Variants in SLC39A11 observed in about 807,000 individuals in gnomAD.
The protein encoded by SLC39A11 is solute carrier family 39 member 11.
In SLC39A11, 33 loss-of-function variants were observed where a neutral mutation model predicts 36.1. That is an observed-to-expected ratio of 0.91 (90% confidence interval 0.69 to 1.22). SLC39A11 has a LOEUF of 1.22. SLC39A11 is among the 50% of genes most tolerant of loss of function. The pLI is 0.00. For missense variants in SLC39A11, 432 were observed against 430.3 expected (o/e 1.00, Z -0.03); for synonymous variants, 166 against 170.3 (o/e 0.97, Z 0.20).
chr17:72,761,318 T>C (rs569500011), intron 6 of SLC39A11, among the ~76,000 whole-genome samples: 1 of 152,128 alleles, frequency 6.6e-6, no homozygotes, highest in African/African-American at 2.4e-5. Context: ...TTTCACCATG[T>C]TGGCAAAGCT....
intron 3 of SLC39A11, among the ~76,000 whole-genome samples, chr17:73,069,969 A>G (rs1380934705): frequency 6.6e-6 from 1 of 152,182 alleles, no homozygotes; most frequent in Non-Finnish European, 1.5e-5. Context: ...TACTCCTACC[A>G]TCTGTCTGGA....
intron 3 of SLC39A11, among the ~76,000 whole-genome samples, chr17:73,045,849 A>G (rs1329971170): frequency 2.0e-5 from 3 of 152,204 alleles, no homozygotes; most frequent in Non-Finnish European, 4.4e-5. Flanking sequence ...CCAGCTGGTC[A>G]TCAAGAGAGT....
intron 6 of SLC39A11, among the ~76,000 whole-genome samples, chr17:72,841,568 C>A (rs1375965300): frequency 6.6e-6 from 1 of 151,554 alleles, no homozygotes; most frequent in Non-Finnish European, 1.5e-5. Flanking sequence ...GTCGGGGAGT[C>A]GGGGGAAAGT....
At chr17:72,703,885 C>T (rs761491699) in intron 7 of SLC39A11, among the ~76,000 whole-genome samples, 88 of 152,244 alleles carry the variant, frequency 5.8e-4, no homozygotes, top group Non-Finnish European at 9.7e-4. Context: ...CCCAGCACTT[C>T]GGGAGGCCGA....
chr17:72,946,136 C>A (rs1330218031), intron 5 of SLC39A11, among the ~76,000 whole-genome samples: 1 of 152,172 alleles, frequency 6.6e-6, no homozygotes, highest in Non-Finnish European at 1.5e-5. Context: ...ATACAGTGCT[C>A]TACTGTGTCA....
chr17:72,887,318 G>T (rs897988473), intron 5 of SLC39A11, among the ~76,000 whole-genome samples: 1 of 152,200 alleles, frequency 6.6e-6, no homozygotes, highest in African/African-American at 2.4e-5. Flanking sequence ...TCAGAAAGGG[G>T]CTATGCAACA....
intron 5 of SLC39A11, among the ~76,000 whole-genome samples, chr17:72,917,970 C>T (rs1459225133): frequency 6.6e-6 from 1 of 152,220 alleles, no homozygotes; most frequent in Non-Finnish European, 1.5e-5. Context: ...ATCCAAAGAC[C>T]TCACCTCATC....
intron 7 of SLC39A11, among the ~76,000 whole-genome samples, chr17:72,682,845 C>T (rs2071566215): frequency 1.3e-5 from 2 of 152,204 alleles, no homozygotes; most frequent in Admixed American, 1.3e-4. Flanking sequence ...ACTTATGAGT[C>T]AATCTTTAGG....
In SLC39A11 at chr17:72,690,299, G is replaced by C. The variant is rs1265849253; in HGVS notation, c.672-41031C>G. 3.3e-5 allele frequency among the ~76,000 whole-genome samples: 5 copies of C among 152,214 alleles called. No individual in the cohort carries two copies. The East Asian group carries it at 7.7e-4, about 23-fold the overall frequency. On this transcript the variant is annotated intron_variant, in intron 7 of 9. Coordinates refer to ENST00000255559, the MANE Select transcript of SLC39A11 (RefSeq NM_139177.4). ...GATGAAACCAAACCTCCTCCCAGGG[G>C]GACGTCCTGGTGAGGTTTCCTAAAA...
At chr17:72,703,257 G>A (rs1403554506) in intron 7 of SLC39A11, among the ~76,000 whole-genome samples, 1 of 152,152 alleles carries the variant, frequency 6.6e-6, no homozygotes, top group Non-Finnish European at 1.5e-5. Flanking sequence ...CTTTAGGAGC[G>A]AGAAAGACAG....
chr17:72,991,806 C>T (rs767070348), intron 4 of SLC39A11, among the ~76,000 whole-genome samples: 3 of 152,214 alleles, frequency 2.0e-5, no homozygotes, highest in Non-Finnish European at 4.4e-5. Context: ...CATTCTCATG[C>T]AGGGTTCCCT....
At chr17:72,662,614 G>GA (rs1211920877) in intron 7 of SLC39A11, among the ~76,000 whole-genome samples, 1 of 76,070 alleles carries the variant, frequency 1.3e-5, no homozygotes, top group Non-Finnish European at 2.4e-5. Flanking sequence ...AAGGAAGGAA[G>GA]GAGAGAAGAA....
At chr17:72,790,249 CA>C (rs1449184028) in intron 6 of SLC39A11, among the ~76,000 whole-genome samples, 1 of 152,092 alleles carries the variant, frequency 6.6e-6, no homozygotes, top group Non-Finnish European at 1.5e-5. Flanking sequence ...GGGGTCATCC[CA>C]GGGGGTTTCT....
chr17:72,867,897 T>A (rs2080391337), intron 5 of SLC39A11, among the ~76,000 whole-genome samples: 1 of 152,182 alleles, frequency 6.6e-6, no homozygotes. Flanking sequence ...CTTGGGATCC[T>A]ACATAAGCAA....
At position 72,748,789 on chromosome 17, in the gene SLC39A11, G is replaced by A. The variant is rs113459584; in HGVS notation, c.602-12070C>T. Among the ~76,000 whole-genome samples the A allele has an allele frequency of 1.2e-3, 176 of 152,260 alleles. 2 individuals carry two copies. The highest frequency in any genetic ancestry group is 6.8e-3 in the Middle Eastern group (2 of 294). The stretch of plus-strand genomic sequence containing the variant: ...AAGATTCCGAGCTGTTCCAACTAAC[G>A]AGCTCCGTGTCATGCCCAGATGCAT... On this transcript the variant is annotated intron_variant, in intron 6 of 9. Transcript: ENST00000255559.
At chr17:72,713,207 C>A (rs1331787146) in intron 7 of SLC39A11, among the ~76,000 whole-genome samples, 1 of 152,118 alleles carries the variant, frequency 6.6e-6, no homozygotes, top group Non-Finnish European at 1.5e-5. Context: ...AGGTTTGTAA[C>A]AGGGTAAGAA....
chr17:72,648,785 G>A lies in SLC39A11; in HGVS notation c.929+18C>T. ...TGGGACTGGGACAGGGACAGACAGG[G>A]AGGGAAGGTTCTCCAACCTGATCTG... On this transcript the variant is annotated intron_variant, in intron 9 of 9. Coordinates refer to ENST00000255559, the MANE Select transcript of SLC39A11 (RefSeq NM_139177.4). 3 of 1,614,112 alleles carry A rather than the reference G, an allele frequency of 1.9e-6. No homozygotes were observed. The highest frequency in any genetic ancestry group is 2.5e-6 in the Non-Finnish European group (3 of 1,179,996).
intron 5 of SLC39A11, among the ~76,000 whole-genome samples, chr17:72,900,215 A>AGG (rs1215301025): frequency 7.4e-5 from 11 of 149,654 alleles, no homozygotes; most frequent in African/African-American, 2.5e-5. Context: ...GAAAGAAAGA[A>AGG]AGAAAGAAAG....
At chr17:72,916,799 T>G (rs867494630) in intron 5 of SLC39A11, among the ~76,000 whole-genome samples, 33 of 152,050 alleles carry the variant, frequency 2.2e-4, no homozygotes, top group African/African-American at 8.0e-4. Context: ...CCTCCGCACC[T>G]CAATTCATGG....
Sources: gnomAD v4.1 joint callset for allele counts (sites outside exome capture counted in the v4.1 genomes callset) on GRCh38, gnomAD v4.1.1 for gene constraint, MANE v1.5 for transcripts, NCBI Gene and HGNC (gene_info 2026-07-23, HGNC 2026-07-21) for gene names.